MYRFL: variants seen among roughly 807,000 people sequenced by gnomAD.
MYRFL encodes the protein myelin regulatory factor like.
In MYRFL, 88 loss-of-function variants were observed where a neutral mutation model predicts 109.4. The observed-to-expected ratio is 0.80, with a 90% CI of 0.68 to 0.96. The LOEUF (loss-of-function observed/expected upper bound fraction) is 0.96, where lower values mean the gene tolerates loss of function less well. Ranked by LOEUF, MYRFL falls within the 40% of genes least tolerant of loss-of-function variation. MYRFL has a pLI of 0.00. For synonymous variants in MYRFL, 324 were observed against 320.9 expected, an observed-to-expected ratio of 1.01 and a Z score of -0.10; for missense variants, 957 against 954.9, an observed-to-expected ratio of 1.00 and a Z score of -0.03.
chr12:69,844,463 A>G (rs1313210170), intron 1 of MYRFL, among the ~76,000 whole-genome samples: 3 of 152,182 alleles, frequency 2.0e-5, no homozygotes, highest in African/African-American at 7.2e-5. Flanking sequence ...TTCAGAGGAA[A>G]TCTAAACAGA....
chr12:69,872,579 C>T (rs966478852), intron 2 of MYRFL, among the ~76,000 whole-genome samples: 1 of 152,118 alleles, frequency 6.6e-6, no homozygotes, highest in African/African-American at 2.4e-5. Context: ...CGGCTCACTG[C>T]AACCTTTGCC....
In MYRFL at chr12:69,958,553, T is replaced by C. The variant is rs1198274091; in HGVS notation, c.*22T>C. On this transcript the variant is annotated 3_prime_UTR_variant, in exon 25 of 25. Coordinates refer to ENST00000552032, the MANE Select transcript of MYRFL (RefSeq NM_182530.3). ...CTAATTTGTTCAAGTTTGGGGACTT[T>C]ACCAAAGAAAAATACTCAGGAATAC... is the stretch of plus-strand genomic sequence containing the variant. 4 of 1,487,650 alleles carry C rather than the reference T, an allele frequency of 2.7e-6. No individual in the cohort carries two copies. The Middle Eastern group carries it at 5.9e-4, about 219-fold the overall frequency. 92.2% of individuals were successfully genotyped at this position (1,487,650 alleles called of 1,614,324 possible).
intron 1 of MYRFL, among the ~76,000 whole-genome samples, chr12:69,831,209 C>T (rs757265828): frequency 7.9e-5 from 12 of 152,078 alleles, no homozygotes; most frequent in Non-Finnish European, 1.8e-4. Flanking sequence ...AAATTATGGA[C>T]CACAGGCCAA....
intron 11 of MYRFL, among the ~76,000 whole-genome samples, chr12:69,907,712 T>C (rs1474960546): frequency 1.3e-5 from 2 of 152,232 alleles, no homozygotes; most frequent in South Asian, 2.1e-4. Context: ...GCCTATTACA[T>C]GTCAGACACT....
intron 20 of MYRFL, 151 bp downstream of exon 20, chr12:69,952,326 C>T (rs1955998546): frequency 3.0e-6 from 2 of 660,646 alleles, no homozygotes; most frequent in Admixed American, 2.5e-5. Flanking sequence ...ATAATCGATG[C>T]CACCCTAACC....
rs1388088061 is a variant in MYRFL, at chr12:69,894,892, C to G, written c.981-479C>G. Among the ~76,000 whole-genome samples the G allele has an allele frequency of 3.3e-5, 5 of 152,338 alleles. No individual in the cohort carries two copies. In the East Asian group the frequency reaches 9.6e-4, roughly 29 times the overall value. On this transcript the variant is annotated intron_variant, in intron 8 of 24. Transcript: ENST00000552032. ...ATGTGCGTGGTGCATCTGGTTCTCC[C>G]TTGTCTGGGCAGGGTGTTTGTGGCC...
chr12:69,890,086 T>C (rs1020111032), intron 6 of MYRFL, among the ~76,000 whole-genome samples: 75 of 152,222 alleles, frequency 4.9e-4, no homozygotes, highest in Admixed American at 1.4e-3. Context: ...GAAATGACCA[T>C]ACTCTAGTGA....
intron 7 of MYRFL, among the ~76,000 whole-genome samples, chr12:69,893,219 A>G (rs1887022022): frequency 6.6e-6 from 1 of 152,250 alleles, no homozygotes; most frequent in Non-Finnish European, 1.5e-5. Flanking sequence ...GGCTGATCTC[A>G]CAAGTCTTTT....
chr12:69,912,952 C>T (rs1954619292), intron 13 of MYRFL, among the ~76,000 whole-genome samples: 1 of 152,144 alleles, frequency 6.6e-6, no homozygotes, highest in Non-Finnish European at 1.5e-5. Context: ...TGTCCACGTC[C>T]TCACCGATGC....
At chr12:69,912,581 T>A (rs1443876876) in intron 13 of MYRFL, among the ~76,000 whole-genome samples, 2 of 152,196 alleles carry the variant, frequency 1.3e-5, no homozygotes, top group African/African-American at 4.8e-5. Context: ...TGTGGCTGGC[T>A]TATTTCACTT....
At chr12:69,868,185 C>A (rs939341252) in intron 2 of MYRFL, among the ~76,000 whole-genome samples, 1 of 151,208 alleles carries the variant, frequency 6.6e-6, no homozygotes, top group African/African-American at 2.4e-5. Context: ...TGGCTCACTG[C>A]AGCCTCCACC....
chr12:69,841,098 A>C (rs1883218566), intron 1 of MYRFL, among the ~76,000 whole-genome samples: 2 of 152,214 alleles, frequency 1.3e-5, no homozygotes, highest in African/African-American at 4.8e-5. Flanking sequence ...TATCTGCACA[A>C]GGAGACTGGG....
intron 15 of MYRFL, among the ~76,000 whole-genome samples, chr12:69,929,339 T>C (rs758659271): frequency 9.9e-5 from 15 of 152,122 alleles, no homozygotes; most frequent in Non-Finnish European, 1.5e-5. Flanking sequence ...AGGAATTGCA[T>C]TGTAGCCAGG....
intron 9 of MYRFL, 27 bp from the exon 10 acceptor site, chr12:69,897,129 G>A: frequency 6.9e-7 from 1 of 1,453,380 alleles, no homozygotes; most frequent in Non-Finnish European, 9.3e-7. Flanking sequence ...CTGATGCATT[G>A]GCATTGGTCT....
At chr12:69,919,493 G>C (rs1324186188) in intron 13 of MYRFL, among the ~76,000 whole-genome samples, 1 of 152,172 alleles carries the variant, frequency 6.6e-6, no homozygotes, top group Admixed American at 6.5e-5. Flanking sequence ...CTGTTTGCAA[G>C]AGAAATATAC....
Position 69,958,736 on chromosome 12 carries a change from G to A in MYRFL, c.*205G>A, listed in dbSNP as rs1162988807. 7.8e-6 allele frequency: 4 copies of A among 511,530 alleles called. No individual in the cohort carries two copies. The highest frequency in any genetic ancestry group is 4.0e-5 in the African/African-American group (2 of 50,424). 31.7% of individuals were successfully genotyped at this position (511,530 alleles called of 1,614,324 possible). A position where few individuals can be genotyped will look rare whatever the true frequency, so the allele number is the denominator to read the frequency against. On this transcript the variant is annotated 3_prime_UTR_variant, in exon 25 of 25. Transcript: ENST00000552032. ...TTGCTGAAACTTGAAATAATGTGAT[G>A]TTTGATTTTGCCATGACTATGAAGA...
At chr12:69,827,659 A>G (rs909541090) in intron 1 of MYRFL, among the ~76,000 whole-genome samples, 1 of 152,150 alleles carries the variant, frequency 6.6e-6, no homozygotes, top group Non-Finnish European at 1.5e-5. Flanking sequence ...GTTACAACCT[A>G]AATTTCTAAT....
intron 2 of MYRFL, among the ~76,000 whole-genome samples, chr12:69,868,256 G>A (rs1050171823): frequency 4.0e-5 from 6 of 151,812 alleles, no homozygotes; most frequent in Admixed American, 1.3e-4. Context: ...ACAGGTTTGC[G>A]TCGCCATGCC....
chr12:69,958,627 A>AAAAC lies in MYRFL; in HGVS notation c.*98_*101dup, dbSNP rs1265406100. ...TTGCAACTTCTTTTTTCTTCTTTGT[A>AAAAC]AAACATTTACGTTTATTGCTGAAGG... On this transcript the variant is annotated 3_prime_UTR_variant, in exon 25 of 25. Transcript: ENST00000552032. 7.4e-6 allele frequency: 7 copies of AAAAC among 942,200 alleles called. No individual in the cohort carries two copies. Among genetic ancestry groups the AAAAC allele is most frequent in the African/African-American group, 6.7e-5 (4 of 59,476 alleles). The allele number at this position is 942,200 out of a possible 1,614,324, so 58.4% of individuals were successfully genotyped here.
Sources: allele counts gnomAD v4.1 joint callset (sites outside exome capture counted in the v4.1 genomes callset), GRCh38; gene constraint gnomAD v4.1.1; transcripts MANE v1.5; gene names NCBI Gene and HGNC (gene_info 2026-07-23, HGNC 2026-07-21).